The following UGT1A7 variants were observed in gnomAD, a reference collection of about 807,000 sequenced individuals.
The protein encoded by UGT1A7 is UDP-glucuronosyltransferase 1A7.
A neutral mutation model predicts 45.6 loss-of-function variants in UGT1A7; 33 were observed. The ratio of observed to expected loss-of-function variants is 0.72; its 90% CI spans 0.55 to 0.97. The LOEUF (loss-of-function observed/expected upper bound fraction) is 0.97. Ranked by LOEUF, UGT1A7 falls within the 50% of genes least tolerant of loss-of-function variation. UGT1A7 has a pLI of 0.00. For missense variants in UGT1A7, 684 were observed against 666.2 expected, an observed-to-expected ratio of 1.03 and a Z score of -0.29; for synonymous variants, 274 against 250.6, an observed-to-expected ratio of 1.09 and a Z score of -0.88.
At position 233,772,978 on chromosome 2, in the gene UGT1A7, T is replaced by C. The variant is rs34942353; in HGVS notation, c.*419T>C. On this transcript the variant is annotated 3_prime_UTR_variant, in exon 5 of 5. Coordinates refer to ENST00000373426, the MANE Select transcript of UGT1A7 (RefSeq NM_019077.3). ...GTTGCAATTGATCCTTAACCAATAATGGTCAGTCCTCATCTCTGTCGTGCT... is the reference window on the plus strand; with the variant it reads ...GTTGCAATTGATCCTTAACCAATAACGGTCAGTCCTCATCTCTGTCGTGCT... 9.7e-5 allele frequency: 29 copies of C among 299,424 alleles called. No homozygotes were observed. The East Asian group carries it at 2.0e-3, about 21-fold the overall frequency. 18.5% of individuals were successfully genotyped at this position (299,424 alleles called of 1,614,324 possible).
At chr2:233,716,925 G>T (rs1351341849) in intron 1 of UGT1A7, among the ~76,000 whole-genome samples, 6 of 152,158 alleles carry the variant, frequency 3.9e-5, no homozygotes, top group African/African-American at 1.4e-4. Context: ...CTGATGCCTT[G>T]GGCAGCTCCT....
At chr2:233,761,295 T>C in intron 1 of UGT1A7, 1 of 1,507,920 alleles carries the variant, frequency 6.6e-7, no homozygotes. Flanking sequence ...GACTCCTAGG[T>C]TTGAGTCTGT....
chr2:233,737,321 C>G (rs2078863699), intron 1 of UGT1A7, among the ~76,000 whole-genome samples: 1 of 152,264 alleles, frequency 6.6e-6, no homozygotes, highest in African/African-American at 2.4e-5. Flanking sequence ...GACTGCTGCA[C>G]TAGCAGTGAG....
rs45449797 is a variant in UGT1A7, at chr2:233,730,263, G to A, written c.856-36771G>A. ...ACTGGTGTGACTCATAGAGACTGTT[G>A]GTTTGTAAAGGCACCATCTTCATGG... is the stretch of plus-strand genomic sequence containing the variant. On this transcript the variant is annotated intron_variant, in intron 1 of 4. Coordinates refer to ENST00000373426, the MANE Select transcript of UGT1A7 (RefSeq NM_019077.3). 4.3e-4 allele frequency among the ~76,000 whole-genome samples: 66 copies of A among 152,188 alleles called. 2 individuals are homozygous for A. In the East Asian group the frequency reaches 0.011, roughly 26 times the overall value.
intron 1 of UGT1A7, among the ~76,000 whole-genome samples, chr2:233,688,858 G>C (rs552889228): frequency 2.0e-5 from 3 of 152,134 alleles, no homozygotes; most frequent in Non-Finnish European, 4.4e-5. Flanking sequence ...CTGATCATAG[G>C]GGGCCTTGCA....
rs1474978405 is a variant in UGT1A7, at chr2:233,736,640, C to A, written c.856-30394C>A. 3.3e-5 allele frequency among the ~76,000 whole-genome samples: 5 copies of A among 152,206 alleles called. No individual in the cohort carries two copies. In the South Asian group the frequency reaches 1.0e-3, roughly 32 times the overall value. ...TCAGCTTTTCTGCTCTAGTTTCCCC[C>A]CATCTTTGTGGTTTTATGTACCTTA... On this transcript the variant is annotated intron_variant, in intron 1 of 4. Coordinates refer to ENST00000373426, the MANE Select transcript of UGT1A7 (RefSeq NM_019077.3).
At chr2:233,689,995 A>G (rs1388228753) in intron 1 of UGT1A7, 3 of 450,056 alleles carry the variant, frequency 6.7e-6, no homozygotes, top group Non-Finnish European at 1.3e-5. Flanking sequence ...AGGGATTCTC[A>G]CTTCATCTCA....
chr2:233,760,868 C>T (rs1697593103), intron 1 of UGT1A7: 1 of 1,614,100 alleles, frequency 6.2e-7, no homozygotes, highest in East Asian at 2.2e-5. Flanking sequence ...TCCTACGTGC[C>T]CAGGCCTCTC....
At chr2:233,747,383 G>A (rs979148855) in intron 1 of UGT1A7, 12 of 1,605,438 alleles carry the variant, frequency 7.5e-6, no homozygotes, top group Admixed American at 3.3e-5. Flanking sequence ...GAGGCCACCA[G>A]GCGGTGGTCC....
intron 1 of UGT1A7, among the ~76,000 whole-genome samples, chr2:233,694,880 G>A (rs997680070): frequency 2.0e-5 from 3 of 152,156 alleles, no homozygotes; most frequent in Non-Finnish European, 2.9e-5. Context: ...TACACATTTG[G>A]GGGGTTCATG....
intron 1 of UGT1A7, among the ~76,000 whole-genome samples, chr2:233,688,405 C>T (rs1199234339): frequency 6.6e-6 from 1 of 152,148 alleles, no homozygotes; most frequent in Non-Finnish European, 1.5e-5. Context: ...TTCTAATTTT[C>T]GAGCCCATGT....
intron 1 of UGT1A7, chr2:233,692,193 G>C (rs1481987311): frequency 1.3e-5 from 2 of 152,356 alleles, no homozygotes. Flanking sequence ...GGTTGCTGAA[G>C]GTGTGGAGGG....
intron 1 of UGT1A7, among the ~76,000 whole-genome samples, chr2:233,761,398 A>G (rs1697764462): frequency 6.6e-6 from 1 of 152,192 alleles, no homozygotes; most frequent in Non-Finnish European, 1.5e-5. Context: ...AGTGGATAGT[A>G]ATCAATTAGA....
rs1249954264 is a variant in UGT1A7 at position 233,682,687 on chromosome 2, T to C, written c.750T>C (p.Ile250=). The change falls in exon 1 of 5, where the codon ATT becomes ATC. Residue 250 remains isoleucine, a synonymous_variant. Coordinates refer to ENST00000373426, the MANE Select transcript of UGT1A7 (RefSeq NM_019077.3). ...ATGATCTCTACAGCCACACATCAATTTGGTTGTTGCGAACTGACTTTGTTT... is the reference window on the plus strand; with the variant it reads ...ATGATCTCTACAGCCACACATCAATCTGGTTGTTGCGAACTGACTTTGTTT... The part of the protein sequence containing the change: ...TAYDLYSHTS[I]WLLRTDFVLE... 2.5e-6 allele frequency: 4 copies of C among 1,613,824 alleles called. No individual in the cohort carries two copies. In the South Asian group the frequency reaches 4.4e-5, roughly 18 times the overall value.
At chr2:233,713,179 T>A in intron 1 of UGT1A7, 1 of 1,614,174 alleles carries the variant, frequency 6.2e-7, no homozygotes, top group African/African-American at 1.3e-5. Context: ...GTCCTCACCC[T>A]GGAGGTGAAT....
At position 233,698,306 on chromosome 2, in the gene UGT1A7, A is replaced by G. The variant is rs1425577629; in HGVS notation, c.855+15514A>G. On this transcript the variant is annotated intron_variant, in intron 1 of 4. Coordinates refer to ENST00000373426, the MANE Select transcript of UGT1A7 (RefSeq NM_019077.3). ...TGAAAAAAAATGTGTCTTTGGACAG[A>G]TGGAAATGTCTGGAACCAGATAGAG... 3.3e-5 allele frequency among the ~76,000 whole-genome samples: 5 copies of G among 152,386 alleles called. No homozygotes were observed. In the East Asian group the frequency reaches 9.6e-4, roughly 29 times the overall value.
rs1699951118 is a variant in UGT1A7, at chr2:233,769,835, G to A, written c.1295+1396G>A. The A allele has an allele frequency of 3.1e-6, 2 of 640,066 alleles. No individual in the cohort carries two copies. The highest frequency in any genetic ancestry group is 2.3e-6 in the Non-Finnish European group (1 of 426,370). The allele number at this position is 640,066 out of a possible 1,614,324, so 39.6% of individuals were successfully genotyped here. A position where few individuals can be genotyped will look rare whatever the true frequency, so the allele number is the denominator to read the frequency against. On this transcript the variant is annotated intron_variant, in intron 4 of 4. Coordinates refer to ENST00000373426, the MANE Select transcript of UGT1A7 (RefSeq NM_019077.3). The surrounding 1 kb of genome is among the most constrained non-coding windows in gnomAD (Gnocchi z 4.4). ...ATGCCACTGCACTCCAGCAACCTGG[G>A]CAACAGAGTGAGACCCTGTCTCAAA...
chr2:233,706,801 G>A (rs2075925244), intron 1 of UGT1A7, among the ~76,000 whole-genome samples: 1 of 152,164 alleles, frequency 6.6e-6, no homozygotes, highest in African/African-American at 2.4e-5. Context: ...GCACCAATTA[G>A]GTTGGGTTGC....
At chr2:233,750,158 G>A (rs1271989660) in intron 1 of UGT1A7, among the ~76,000 whole-genome samples, 2 of 151,878 alleles carry the variant, frequency 1.3e-5, no homozygotes, top group Non-Finnish European at 2.9e-5. Flanking sequence ...TTGTTGAATG[G>A]TTTTGACCAA....
Sources: allele counts gnomAD v4.1 joint callset (sites outside exome capture counted in the v4.1 genomes callset), GRCh38; gene constraint gnomAD v4.1.1; non-coding constraint Gnocchi (gnomAD v3.1); transcripts MANE v1.5; gene names NCBI Gene and HGNC (gene_info 2026-07-23, HGNC 2026-07-21).